The following TANC2 variants were observed in gnomAD, a reference collection of about 807,000 sequenced individuals.
TANC2 encodes the protein tetratricopeptide repeat, ankyrin repeat and coiled-coil containing 2.
TANC2 carries 26 observed loss-of-function variants against 210.5 expected under a neutral mutation model. The observed-to-expected ratio is 0.12, with a 90% CI of 0.09 to 0.17. TANC2 has a LOEUF of 0.17. TANC2 is among the 10% of genes least tolerant of loss of function. The pLI is 1.00. For synonymous variants in TANC2, 931 were observed against 967.1 expected, an observed-to-expected ratio of 0.96 and a Z score of 0.69; for missense variants, 2,129 against 2,608.9, an observed-to-expected ratio of 0.82 and a Z score of 4.01.
chr17:63,113,351 A>G (rs1237593132), intron 4 of TANC2, among the ~76,000 whole-genome samples: 1 of 152,182 alleles, frequency 6.6e-6, no homozygotes, highest in East Asian at 1.9e-4. Flanking sequence ...TCCCTCTCTT[A>G]GAGGAGGATT....
chr17:63,004,592 TAAA>T (rs60120400), intron 1 of TANC2: 425 of 153,022 alleles, frequency 2.8e-3, no homozygotes, highest in South Asian at 9.0e-3. Context: ...AGCATAGCTT[TAAA>T]AAAAAAAAAA....
intron 3 of TANC2, among the ~76,000 whole-genome samples, chr17:63,075,871 A>C (rs2036555385): frequency 6.6e-6 from 1 of 152,198 alleles, no homozygotes; most frequent in Non-Finnish European, 1.5e-5. Context: ...AATGAGAAAT[A>C]GTATTAGGAG....
At chr17:63,122,991 A>G (rs1204425087) in intron 4 of TANC2, among the ~76,000 whole-genome samples, 2 of 152,192 alleles carry the variant, frequency 1.3e-5, no homozygotes, top group African/African-American at 4.8e-5. Flanking sequence ...ATGCTCTGGA[A>G]GAGACAACTG....
chr17:63,081,516 A>T (rs1473522221), intron 3 of TANC2, among the ~76,000 whole-genome samples: 2 of 152,188 alleles, frequency 1.3e-5, no homozygotes, highest in Non-Finnish European at 2.9e-5. Flanking sequence ...AATAAAATGC[A>T]GTTTTAGTTC....
chr17:63,212,132 T>C (rs1598617249), intron 7 of TANC2, among the ~76,000 whole-genome samples: 1 of 152,172 alleles, frequency 6.6e-6, no homozygotes, highest in African/African-American at 2.4e-5. Context: ...ATGCAGTGTT[T>C]GGTTTTCTGT....
intron 8 of TANC2, among the ~76,000 whole-genome samples, chr17:63,250,033 T>G (rs768718357): frequency 2.0e-5 from 3 of 152,130 alleles, no homozygotes; most frequent in Non-Finnish European, 4.4e-5. Context: ...GCATGTCAGT[T>G]AAATGCTGAG....
rs568247921 is a variant in TANC2, at chr17:63,252,602, T to C, written c.1033+14525T>C. The stretch of plus-strand genomic sequence containing the variant: ...TCTCTGTCTCCATGAGTTCAGTTAT[T>C]TTAATTTTTAGCTCTCACATATGAC... On this transcript the variant is annotated intron_variant, in intron 8 of 27. Coordinates refer to ENST00000689528, the Ensembl canonical transcript of TANC2. 6.6e-5 allele frequency among the ~76,000 whole-genome samples: 10 copies of C among 152,266 alleles called. No homozygotes were observed. In the East Asian group the frequency reaches 1.9e-3, roughly 29 times the overall value.
intron 15 of TANC2, among the ~76,000 whole-genome samples, chr17:63,381,915 G>A (rs1197395035): frequency 6.6e-6 from 1 of 152,224 alleles, no homozygotes; most frequent in Non-Finnish European, 1.5e-5. Context: ...TACAGATACT[G>A]AAGAGGCACT....
intron 8 of TANC2, among the ~76,000 whole-genome samples, chr17:63,247,706 C>T (rs910999576): frequency 6.6e-6 from 1 of 152,028 alleles, no homozygotes; most frequent in South Asian, 2.1e-4. Context: ...GGTAAATATA[C>T]CATCAGAGAT....
chr17:63,337,819 C>T (rs2046087505), intron 11 of TANC2, among the ~76,000 whole-genome samples: 1 of 152,062 alleles, frequency 6.6e-6, no homozygotes, highest in South Asian at 2.1e-4. Context: ...CCTCTACATG[C>T]CTATGTGTTC....
At chr17:63,164,906 G>C (rs927540002) in intron 5 of TANC2, among the ~76,000 whole-genome samples, 1 of 152,124 alleles carries the variant, frequency 6.6e-6, no homozygotes, top group Non-Finnish European at 1.5e-5. Context: ...ATCTCCCCTA[G>C]AAACACCCTC....
intron 9 of TANC2, among the ~76,000 whole-genome samples, chr17:63,296,892 A>G (rs776814002): frequency 6.6e-6 from 1 of 152,168 alleles, no homozygotes; most frequent in Non-Finnish European, 1.5e-5. Context: ...AGAAAAAAGA[A>G]TATGGAAAAA....
chr17:63,356,648 TA>T (rs974194939), intron 14 of TANC2, among the ~76,000 whole-genome samples: 11 of 152,306 alleles, frequency 7.2e-5, no homozygotes, highest in African/African-American at 2.6e-4. Context: ...GAAGCTTTTT[TA>T]AAGAAACATG....
intron 9 of TANC2, among the ~76,000 whole-genome samples, chr17:63,276,351 A>G (rs1374789049): frequency 6.6e-6 from 1 of 152,130 alleles, no homozygotes; most frequent in Admixed American, 6.6e-5. Context: ...AAACAACTGT[A>G]TTGCCATAGT....
intron 12 of TANC2, among the ~76,000 whole-genome samples, 155 bp from the exon 13 acceptor site, chr17:63,351,095 T>C (rs1013671724): frequency 6.6e-6 from 1 of 152,164 alleles, no homozygotes; most frequent in Admixed American, 6.6e-5. Flanking sequence ...AATTTTTCCA[T>C]GCCCTTAGAA....
intron 2 of TANC2, among the ~76,000 whole-genome samples, chr17:63,045,436 T>C (rs2035340736): frequency 6.6e-6 from 1 of 152,228 alleles, no homozygotes; most frequent in Non-Finnish European, 1.5e-5. Context: ...TTCAAATCTA[T>C]CATTCTTTTT....
chr17:63,240,784 T>A lies in TANC2; in HGVS notation c.1033+2707T>A, dbSNP rs966953393. Among the ~76,000 whole-genome samples, 146 of 152,334 alleles carry A rather than the reference T, an allele frequency of 9.6e-4. 1 individual carries two copies. Among genetic ancestry groups the A allele is most frequent in the African/African-American group, 3.5e-3 (144 of 41,586 alleles). ...CTAATTCCTAGCCACCTTCCCAGGC[T>A]GAACTCAAATACTTCCTCCTTCATG... On this transcript the variant is annotated intron_variant, in intron 8 of 27. Coordinates refer to ENST00000689528, the Ensembl canonical transcript of TANC2.
chr17:63,423,389 T>C (rs1453673489), exon 28 of TANC2: 1 of 152,222 alleles, frequency 6.6e-6, no homozygotes, highest in African/African-American at 2.4e-5. Flanking sequence ...GAGGCCACTA[T>C]TGAGTGGATA....
chr17:63,324,506 G>A (rs1354193061), intron 11 of TANC2, among the ~76,000 whole-genome samples: 1 of 151,978 alleles, frequency 6.6e-6, no homozygotes, highest in Non-Finnish European at 1.5e-5. Context: ...TACATACACA[G>A]AAAATGAAAA....
Sources: gnomAD v4.1 joint callset for allele counts (sites outside exome capture counted in the v4.1 genomes callset) on GRCh38, gnomAD v4.1.1 for gene constraint, MANE v1.5 for transcripts, NCBI Gene and HGNC (gene_info 2026-07-23, HGNC 2026-07-21) for gene names.